The following KCNQ3 variants were observed in gnomAD, a reference collection of about 807,000 sequenced individuals.
The protein encoded by KCNQ3 is potassium voltage-gated channel subfamily KQT member 3.
KCNQ3 carries 30 observed loss-of-function variants against 92.5 expected under a neutral mutation model. That is an observed-to-expected ratio of 0.32 (90% CI 0.24 to 0.44). The LOEUF (loss-of-function observed/expected upper bound fraction) is 0.44, where lower values mean the gene tolerates loss of function less well. Among genes scored for constraint, KCNQ3 ranks in the 20% least tolerant of loss-of-function variants. The probability of loss-of-function intolerance (pLI) is 1.00; values close to 1 mark genes in which losing one functional copy is unlikely to be tolerated. For synonymous variants in KCNQ3, 450 were observed against 468.8 expected (o/e 0.96, Z 0.52); for missense variants, 913 against 1,140.3 (o/e 0.80, Z 2.87).
chr8:132,479,983 CA>C (rs1563925536), intron 1 of KCNQ3, among the ~76,000 whole-genome samples, 163 bp downstream of exon 1: 1 of 151,910 alleles, frequency 6.6e-6, no homozygotes, highest in Non-Finnish European at 1.5e-5. Context: ...CACACACACA[CA>C]CACACACACC....
intron 1 of KCNQ3, among the ~76,000 whole-genome samples, chr8:132,261,551 C>T (rs1405313539): frequency 1.3e-5 from 2 of 152,178 alleles, no homozygotes; most frequent in Non-Finnish European, 2.9e-5. Context: ...GCAGTCTTCC[C>T]TCGGCTGGCT....
chr8:132,203,181 T>G (rs988040747), intron 1 of KCNQ3, among the ~76,000 whole-genome samples: 2 of 152,216 alleles, frequency 1.3e-5, no homozygotes, highest in South Asian at 4.1e-4. Flanking sequence ...AATCCATTCC[T>G]GAGGGCTCTG....
chr8:132,301,812 A>G (rs1817224362), intron 1 of KCNQ3, among the ~76,000 whole-genome samples: 1 of 152,182 alleles, frequency 6.6e-6, no homozygotes, highest in African/African-American at 2.4e-5. Context: ...GACTGCTGTG[A>G]TGCACTTGGA....
chr8:132,359,162 AC>A (rs1819096840), intron 1 of KCNQ3, among the ~76,000 whole-genome samples: 1 of 125,248 alleles, frequency 8.0e-6, no homozygotes, highest in South Asian at 2.9e-4. Context: ...GCATCACATA[AC>A]TTGACAGTTT....
At chr8:132,292,944 G>A (rs990491578) in intron 1 of KCNQ3, among the ~76,000 whole-genome samples, 1 of 152,188 alleles carries the variant, frequency 6.6e-6, no homozygotes, top group Non-Finnish European at 1.5e-5. Flanking sequence ...CCTTGCTGGT[G>A]TAGATTATGC....
intron 1 of KCNQ3, among the ~76,000 whole-genome samples, chr8:132,339,661 A>T (rs747562469): frequency 1.2e-4 from 18 of 151,322 alleles, no homozygotes; most frequent in Middle Eastern, 3.4e-3. Context: ...ATGAGCCGAG[A>T]TCTCACCTGG....
chr8:132,254,559 C>T (rs1338385047), intron 1 of KCNQ3, among the ~76,000 whole-genome samples: 1 of 152,108 alleles, frequency 6.6e-6, no homozygotes, highest in African/African-American at 2.4e-5. Flanking sequence ...TTTCTCTTTG[C>T]ATTCCTAAAG....
At chr8:132,322,811 A>C (rs1817930155) in intron 1 of KCNQ3, among the ~76,000 whole-genome samples, 1 of 152,214 alleles carries the variant, frequency 6.6e-6, no homozygotes, top group African/African-American at 2.4e-5. Context: ...CAAATAACCA[A>C]GGAAAAACAA....
rs563764088 is a variant in KCNQ3, at chr8:132,290,520, T to A, written c.387-104339A>T. 3.9e-5 allele frequency among the ~76,000 whole-genome samples: 6 copies of A among 152,274 alleles called. No homozygotes were observed. In the South Asian group the frequency reaches 1.2e-3, roughly 32 times the overall value. ...TTCAAATGAATGAAGCAAGAATGGT[T>A]GGTCAGGGGACTGCACTAATCCTGA... On this transcript the variant is annotated intron_variant, in intron 1 of 14. Coordinates refer to ENST00000388996, the MANE Select transcript of KCNQ3 (RefSeq NM_004519.4).
chr8:132,252,779 G>A (rs1178595668), intron 1 of KCNQ3, among the ~76,000 whole-genome samples: 1 of 152,162 alleles, frequency 6.6e-6, no homozygotes, highest in African/African-American at 2.4e-5. Context: ...GCGCTGATTG[G>A]TGCGTTTACA....
intron 1 of KCNQ3, among the ~76,000 whole-genome samples, chr8:132,478,766 ACCT>A (rs1199306133): frequency 6.6e-6 from 1 of 151,942 alleles, no homozygotes; most frequent in Admixed American, 6.6e-5. Flanking sequence ...GGGCTTGGTA[ACCT>A]CCTTGAAGAA....
chr8:132,382,693 T>C (rs1819785420), intron 1 of KCNQ3, among the ~76,000 whole-genome samples: 1 of 152,170 alleles, frequency 6.6e-6, no homozygotes, highest in African/African-American at 2.4e-5. Flanking sequence ...GAGATGCCTT[T>C]AGCCTCAAGA....
intron 1 of KCNQ3, among the ~76,000 whole-genome samples, chr8:132,436,742 G>A (rs1401242065): frequency 6.6e-6 from 1 of 152,168 alleles, no homozygotes. Context: ...TAGCCAAACT[G>A]AAATAATTTT....
chr8:132,381,390 G>T (rs1300824439), intron 1 of KCNQ3, among the ~76,000 whole-genome samples: 1 of 152,150 alleles, frequency 6.6e-6, no homozygotes, highest in Non-Finnish European at 1.5e-5. Flanking sequence ...TCATGGTTTT[G>T]GATTCATTAA....
Position 132,129,200 on chromosome 8 carries a change from A to G in KCNQ3, c.*62T>C. ...TCCCCGCTGGTAAGCGTCGGGTGTA[A>G]GAGTAAGTGAACTATACAAAGTCTG... On this transcript the variant is annotated 3_prime_UTR_variant, in exon 15 of 15. Transcript: ENST00000388996. The surrounding 1 kb of genome is among the most constrained non-coding windows in gnomAD (Gnocchi z 5.9). 1.3e-6 allele frequency: 2 copies of G among 1,580,180 alleles called. No individual in the cohort carries two copies. Among genetic ancestry groups the G allele is most frequent in the African/African-American group, 2.7e-5 (2 of 74,596 alleles).
chr8:132,300,524 G>A (rs1355846078), intron 1 of KCNQ3, among the ~76,000 whole-genome samples: 1 of 152,188 alleles, frequency 6.6e-6, no homozygotes. Flanking sequence ...ACCTTTCAGG[G>A]TTTTGAGATG....
intron 1 of KCNQ3, among the ~76,000 whole-genome samples, chr8:132,428,860 C>T (rs896142218): frequency 1.3e-5 from 2 of 152,106 alleles, no homozygotes; most frequent in Non-Finnish European, 2.9e-5. Context: ...ACCACCCTTC[C>T]TCTAAAGGTA....
intron 1 of KCNQ3, among the ~76,000 whole-genome samples, chr8:132,402,745 C>T (rs761893327): frequency 2.0e-5 from 3 of 152,016 alleles, no homozygotes; most frequent in Non-Finnish European, 4.4e-5. Context: ...TGGCCCGGCG[C>T]GGTGGCTCAT....
chr8:132,426,451 T>C (rs997658279), intron 1 of KCNQ3, among the ~76,000 whole-genome samples: 4 of 152,238 alleles, frequency 2.6e-5, no homozygotes, highest in Admixed American at 1.3e-4. Flanking sequence ...TCTCACAGCC[T>C]GGTTTGCTCT....
Sources: gnomAD v4.1 joint callset for allele counts (sites outside exome capture counted in the v4.1 genomes callset) on GRCh38, gnomAD v4.1.1 for gene constraint, Gnocchi (gnomAD v3.1) non-coding constraint, MANE v1.5 for transcripts, NCBI Gene and HGNC (gene_info 2026-07-23, HGNC 2026-07-21) for gene names.